Variants in MORF4L1 observed in about 807,000 individuals in gnomAD.
MORF4L1 encodes mortality factor 4 like 1, also known as mortality factor 4-like protein 1.
A neutral mutation model predicts 52.9 loss-of-function variants in MORF4L1; 4 were observed. The ratio of observed to expected loss-of-function variants is 0.08; its 90% CI spans 0.04 to 0.17. The LOEUF is 0.17. MORF4L1 is among the 10% of genes least tolerant of loss of function. The pLI, the probability that MORF4L1 is intolerant of heterozygous loss-of-function variation, is 1.00. For missense variants in MORF4L1, 214 were observed against 390.4 expected, an observed-to-expected ratio of 0.55 and a Z score of 3.81; for synonymous variants, 123 against 134.8, an observed-to-expected ratio of 0.91 and a Z score of 0.61.
At chr15:78,874,459 C>T (rs1026740523) in intron 1 of MORF4L1, among the ~76,000 whole-genome samples, 10 of 152,172 alleles carry the variant, frequency 6.6e-5, no homozygotes, top group Non-Finnish European at 1.3e-4. Context: ...CTCTGCCCCC[C>T]ACCCGGGCTA....
At chr15:78,889,130 G>T (rs753422047) in intron 5 of MORF4L1, among the ~76,000 whole-genome samples, 3 of 152,144 alleles carry the variant, frequency 2.0e-5, no homozygotes, top group Non-Finnish European at 2.9e-5. Context: ...AATAATGGCT[G>T]AGTAAATATA....
rs753870808 is a variant in MORF4L1, at chr15:78,880,527, A to G, written c.103A>G (p.Ile35Val). The G allele has an allele frequency of 6.9e-6, 11 of 1,602,366 alleles. No homozygotes were observed. The Admixed American group carries it at 6.9e-5, about 10-fold the overall frequency. ...TGAATTTCAGTGTGTAAAGGTTGCC[A>G]TAAAGGACAAACAAGTGAAATACTT... ...LYEAKCVKVAIKDKQVKYFIH... is the reference protein window; with the variant it reads ...LYEAKCVKVAVKDKQVKYFIH... Residue 35 changes from isoleucine to valine, a missense_variant, in exon 3 of 12, where the codon ATA becomes GTA. Physicochemically the swap from Ile to Val is conservative, Grantham distance 29 (BLOSUM62 3). Transcript: ENST00000426013.
chr15:78,873,153 C>A, intron 1 of MORF4L1, 96 bp downstream of exon 1: 1 of 1,539,156 alleles, frequency 6.5e-7, no homozygotes, highest in Admixed American at 2.1e-5. Context: ...GCGGCGCGGG[C>A]TGCGCCCTGA....
rs960447502 is a variant in MORF4L1 at position 78,896,877 on chromosome 15, A to G, written c.888-106A>G. Reference sequence around the variant, plus strand: ...TGTGAGAGAATGTCTGGTTTAATGTATTTTAGGAAAGTGTTTTCTGTGGCT... The same window carrying G: ...TGTGAGAGAATGTCTGGTTTAATGTGTTTTAGGAAAGTGTTTTCTGTGGCT... On this transcript the variant is annotated intron_variant, in intron 11 of 11. Transcript: ENST00000426013. 7.6e-6 allele frequency: 6 copies of G among 786,232 alleles called. No homozygotes were observed. The African/African-American group carries it at 1.0e-4, about 14-fold the overall frequency. 48.7% of individuals were successfully genotyped at this position (786,232 alleles called of 1,614,324 possible).
rs1270928392 is a variant in MORF4L1, at chr15:78,876,420, T to G, written c.41-1793T>G. The G allele has an allele frequency of 1.3e-5, 5 of 389,510 alleles. No individual in the cohort carries two copies. In the East Asian group the frequency reaches 3.6e-4, roughly 28 times the overall value. 24.1% of individuals were successfully genotyped at this position (389,510 alleles called of 1,614,324 possible). A position where few individuals can be genotyped will look rare whatever the true frequency, so the allele number is the denominator to read the frequency against. On this transcript the variant is annotated intron_variant, in intron 1 of 11. Transcript: ENST00000426013. ...ATTGGAAATTCTTTTTTGTTTTGTT[T>G]TGTTTAGATTTTGAGACGGAGCATT...
chr15:78,889,592 T>G (rs2056764324), intron 5 of MORF4L1, among the ~76,000 whole-genome samples: 1 of 152,192 alleles, frequency 6.6e-6, no homozygotes, highest in African/African-American at 2.4e-5. Context: ...GTGTGAAGAC[T>G]ATTGGTTTCT....
At chr15:78,874,435 C>T (rs976843562) in intron 1 of MORF4L1, among the ~76,000 whole-genome samples, 2 of 152,112 alleles carry the variant, frequency 1.3e-5, no homozygotes, top group Non-Finnish European at 2.9e-5. Flanking sequence ...TGCAGTGACG[C>T]TATCTCGGCT....
chr15:78,878,081 C>T lies in MORF4L1; in HGVS notation c.41-132C>T, dbSNP rs2056529998. 6 of 724,244 alleles carry T rather than the reference C, an allele frequency of 8.3e-6. No individual in the cohort carries two copies. In the South Asian group the frequency reaches 1.1e-4, roughly 13 times the overall value. The allele number at this position is 724,244 out of a possible 1,614,324, so 44.9% of individuals were successfully genotyped here. A position where few individuals can be genotyped will look rare whatever the true frequency, so the allele number is the denominator to read the frequency against. On this transcript the variant is annotated intron_variant, in intron 1 of 11. Transcript: ENST00000426013. The stretch of plus-strand genomic sequence containing the variant: ...AGTTGAAGTTTGAGCCAAAGTGGTG[C>T]TCTGTATACCCGTCCTCATTTTTCC...
chr15:78,892,911 A>G (rs2056824066), intron 8 of MORF4L1: 1 of 153,518 alleles, frequency 6.5e-6, no homozygotes, highest in Non-Finnish European at 1.4e-5. Context: ...CATATACAGT[A>G]TGTGGATATA....
intron 11 of MORF4L1, among the ~76,000 whole-genome samples, chr15:78,895,838 C>G (rs1207254582): frequency 6.6e-6 from 1 of 152,120 alleles, no homozygotes; most frequent in Non-Finnish European, 1.5e-5. Flanking sequence ...AAATTTAAAA[C>G]TGCAACGTGG....
In MORF4L1 at chr15:78,894,048, C is replaced by T; in HGVS notation, c.630-10C>T. 1 of 1,601,358 alleles carries T rather than the reference C, an allele frequency of 6.2e-7. No homozygotes were observed. The highest frequency in any genetic ancestry group is 8.5e-7 in the Non-Finnish European group (1 of 1,173,558). Reference sequence around the variant, plus strand: ...TGACCAGTTTTGGAATATTTTTGTTCATTTATCAGGGAGTATGCGGTTAAT... The same window carrying T: ...TGACCAGTTTTGGAATATTTTTGTTTATTTATCAGGGAGTATGCGGTTAAT... On this transcript the variant is annotated splice_polypyrimidine_tract_variant and intron_variant, in intron 9 of 11. Coordinates refer to ENST00000426013, the MANE Select transcript of MORF4L1 (RefSeq NM_006791.4).
At position 78,897,922 on chromosome 15, in the gene MORF4L1, A is replaced by G. The variant is rs1312826449; in HGVS notation, c.*855A>G. ...TTGGCAGTTTGCTGTCTTGAGTCTT[A>G]GCTAAAAAGTTAGAAGTTTACATGA... On this transcript the variant is annotated 3_prime_UTR_variant, in exon 12 of 12. Coordinates refer to ENST00000426013, the MANE Select transcript of MORF4L1 (RefSeq NM_006791.4). The G allele has an allele frequency of 6.6e-6, 1 of 152,292 alleles. No homozygotes were observed. The highest frequency in any genetic ancestry group is 1.9e-4 in the East Asian group (1 of 5,196). The allele number at this position is 152,292 out of a possible 1,614,324, so 9.4% of individuals were successfully genotyped here.
intron 1 of MORF4L1, 187 bp from the exon 2 acceptor site, chr15:78,878,026 G>A (rs551974442): frequency 3.3e-4 from 156 of 469,670 alleles, no homozygotes; most frequent in African/African-American, 3.0e-3. Flanking sequence ...TTTTACCATC[G>A]GATACCAACG....
rs1333182892 is a variant in MORF4L1 at position 78,897,807 on chromosome 15, G to A, written c.*740G>A. 6.6e-6 allele frequency: 1 copy of A among 152,586 alleles called. No homozygotes were observed. Among genetic ancestry groups the A allele is most frequent in the African/African-American group, 2.4e-5 (1 of 41,438 alleles). 9.5% of individuals were successfully genotyped at this position (152,586 alleles called of 1,614,324 possible). A position where few individuals can be genotyped will look rare whatever the true frequency, so the allele number is the denominator to read the frequency against. On this transcript the variant is annotated 3_prime_UTR_variant, in exon 12 of 12. Transcript: ENST00000426013. ...GTATTCCTTCTTGTATTTAGACAGTGGTTTTTCAGGTGCGTGCTTTGTTTT... is the reference window on the plus strand; with the variant it reads ...GTATTCCTTCTTGTATTTAGACAGTAGTTTTTCAGGTGCGTGCTTTGTTTT...
chr15:78,885,898 A>G (rs931127634), intron 3 of MORF4L1, among the ~76,000 whole-genome samples: 2 of 152,248 alleles, frequency 1.3e-5, no homozygotes, highest in Non-Finnish European at 2.9e-5. Context: ...ATTTCTAAAA[A>G]TGATTTGAAT....
chr15:78,890,196 T>TC (rs1194102033), intron 5 of MORF4L1, among the ~76,000 whole-genome samples: 1 of 151,992 alleles, frequency 6.6e-6, no homozygotes, highest in East Asian at 1.9e-4. Flanking sequence ...AGAGCAAGAC[T>TC]CCATCTCAAA....
chr15:78,882,799 A>G (rs2056626176), intron 3 of MORF4L1, among the ~76,000 whole-genome samples: 1 of 135,488 alleles, frequency 7.4e-6, no homozygotes, highest in South Asian at 2.5e-4. Context: ...TTTTAGAGCC[A>G]GTATGGTGGT....
chr15:78,894,268 T>TG (rs745763661), intron 10 of MORF4L1, 38 bp downstream of exon 10: 31 of 1,523,804 alleles, frequency 2.0e-5, no homozygotes, highest in East Asian at 9.3e-5. Context: ...TTTTACTTTT[T>TG]GGGGGGTCTT....
intron 3 of MORF4L1, among the ~76,000 whole-genome samples, chr15:78,883,268 G>T (rs988224728): frequency 1.3e-5 from 2 of 150,434 alleles, no homozygotes; most frequent in African/African-American, 4.9e-5. Flanking sequence ...TACGACAAGG[G>T]AATAGAATAA....
Sources: allele counts gnomAD v4.1 joint callset (sites outside exome capture counted in the v4.1 genomes callset), GRCh38; gene constraint gnomAD v4.1.1; transcripts MANE v1.5; gene names NCBI Gene and HGNC (gene_info 2026-07-23, HGNC 2026-07-21).